NKAIN2: variants seen among roughly 807,000 people sequenced by gnomAD.
NKAIN2 encodes sodium/potassium-transporting ATPase subunit beta-1-interacting protein 2.
Under a neutral mutation model 32.6 loss-of-function variants are expected in NKAIN2, and 14 were observed. That is an observed-to-expected ratio of 0.43 (90% CI 0.28 to 0.67). The LOEUF (loss-of-function observed/expected upper bound fraction) is 0.67. NKAIN2 is among the 30% of genes least tolerant of loss of function. The pLI, the probability that NKAIN2 is intolerant of heterozygous loss-of-function variation, is 0.17. For synonymous variants in NKAIN2, 80 were observed against 87.2 expected (o/e 0.92, Z 0.46); for missense variants, 198 against 258.3 (o/e 0.77, Z 1.60).
chr6:123,918,357 ACT>A (rs1321316730), intron 1 of NKAIN2, among the ~76,000 whole-genome samples: 1 of 152,164 alleles, frequency 6.6e-6, no homozygotes, highest in Non-Finnish European at 1.5e-5. Context: ...TTGAGGAAAT[ACT>A]CTCTTAGTAT....
chr6:124,336,674 T>G (rs1395896770), intron 2 of NKAIN2, among the ~76,000 whole-genome samples: 3 of 148,498 alleles, frequency 2.0e-5, no homozygotes, highest in Non-Finnish European at 3.0e-5. Flanking sequence ...GTTTGTTTTT[T>G]TTTGTTTGTT....
At chr6:124,149,382 C>G (rs932047728) in intron 1 of NKAIN2, among the ~76,000 whole-genome samples, 4 of 152,068 alleles carry the variant, frequency 2.6e-5, no homozygotes, top group African/African-American at 9.7e-5. Flanking sequence ...AAGATTTGCT[C>G]CCATGCATTT....
At chr6:124,013,059 A>G (rs1780409767) in intron 1 of NKAIN2, among the ~76,000 whole-genome samples, 1 of 152,090 alleles carries the variant, frequency 6.6e-6, no homozygotes, top group Non-Finnish European at 1.5e-5. Context: ...ATTGTAGTTT[A>G]ATTTCCATTT....
At chr6:124,741,308 T>TCCCAA in intron 4 of NKAIN2, among the ~76,000 whole-genome samples, 1 of 151,834 alleles carries the variant, frequency 6.6e-6, no homozygotes, top group East Asian at 1.9e-4. Flanking sequence ...AATATTTAGA[T>TCCCAA]ATTACTAAGA....
intron 3 of NKAIN2, among the ~76,000 whole-genome samples, chr6:124,551,918 C>T (rs2114868941): frequency 1.3e-5 from 2 of 152,242 alleles, no homozygotes; most frequent in East Asian, 3.9e-4. Context: ...TCTAAAATTA[C>T]TTTGACCATT....
chr6:124,660,609 T>C (rs889143571), intron 4 of NKAIN2, among the ~76,000 whole-genome samples: 7 of 152,198 alleles, frequency 4.6e-5, no homozygotes, highest in Non-Finnish European at 8.8e-5. Context: ...AGTGAAGGAA[T>C]AGTTTGAGTA....
chr6:124,568,379 A>G (rs1780999658), intron 3 of NKAIN2, among the ~76,000 whole-genome samples: 1 of 152,220 alleles, frequency 6.6e-6, no homozygotes, highest in Non-Finnish European at 1.5e-5. Flanking sequence ...CAGGCGTGAT[A>G]TAGAGAACAT....
intron 3 of NKAIN2, among the ~76,000 whole-genome samples, chr6:124,407,015 G>A (rs1773891239): frequency 6.6e-6 from 1 of 151,938 alleles, no homozygotes; most frequent in African/African-American, 2.4e-5. Context: ...GCCCCCATTG[G>A]TGGCTTAACA....
At position 123,968,162 on chromosome 6, in the gene NKAIN2, A is replaced by G. The variant is rs369046371; in HGVS notation, c.54+163908A>G. ...ACTTTTTGCTTTCAAATGTGTTCTC[A>G]GTATAATCACTGTGAGGCAGGGGGA... On this transcript the variant is annotated intron_variant, in intron 1 of 6. Transcript: ENST00000368417. Among the ~76,000 whole-genome samples the G allele has an allele frequency of 1.2e-4, 18 of 152,300 alleles. 1 individual carries two copies. In the South Asian group the frequency reaches 2.7e-3, roughly 23 times the overall value.
intron 1 of NKAIN2, among the ~76,000 whole-genome samples, chr6:124,048,687 C>A (rs1294180854): frequency 2.0e-5 from 3 of 151,952 alleles, no homozygotes; most frequent in African/African-American, 7.2e-5. Flanking sequence ...GGGGATATTT[C>A]TGTGATGTTT....
intron 1 of NKAIN2, among the ~76,000 whole-genome samples, chr6:124,208,458 A>G (rs956435048): frequency 2.6e-5 from 4 of 151,956 alleles, no homozygotes; most frequent in Non-Finnish European, 5.9e-5. Context: ...AATAAAATAT[A>G]TGTTTCTAAC....
At chr6:123,953,909 A>G (rs977845393) in intron 1 of NKAIN2, among the ~76,000 whole-genome samples, 2 of 152,136 alleles carry the variant, frequency 1.3e-5, no homozygotes, top group Non-Finnish European at 2.9e-5. Context: ...GGGAGTGTGC[A>G]CTTTGCTTGT....
intron 3 of NKAIN2, among the ~76,000 whole-genome samples, chr6:124,476,224 T>C (rs1351454695): frequency 2.6e-5 from 4 of 152,244 alleles, no homozygotes; most frequent in African/African-American, 9.6e-5. Context: ...AAACTGTCTT[T>C]GGTGTTTACA....
At chr6:124,408,917 C>T (rs1774006635) in intron 3 of NKAIN2, among the ~76,000 whole-genome samples, 1 of 152,130 alleles carries the variant, frequency 6.6e-6, no homozygotes, top group African/African-American at 2.4e-5. Context: ...TTTCACATCC[C>T]TTGTAAGTTG....
At chr6:124,080,265 C>T (rs747796483) in intron 1 of NKAIN2, among the ~76,000 whole-genome samples, 22 of 152,058 alleles carry the variant, frequency 1.4e-4, no homozygotes, top group South Asian at 1.0e-3. Context: ...GAGGTATTTG[C>T]TCAGTTATTC....
intron 1 of NKAIN2, among the ~76,000 whole-genome samples, chr6:123,962,638 A>T (rs140870281): frequency 1.3e-5 from 2 of 152,150 alleles, no homozygotes; most frequent in South Asian, 4.2e-4. Flanking sequence ...ATTGCACTTT[A>T]GTCATGAGTA....
intron 3 of NKAIN2, among the ~76,000 whole-genome samples, chr6:124,447,121 T>C (rs1775924617): frequency 6.6e-6 from 1 of 152,148 alleles, no homozygotes; most frequent in African/African-American, 2.4e-5. Context: ...CTCTCTACAA[T>C]GCCCTTCCTC....
At chr6:124,740,022 AC>A (rs1350949869) in intron 4 of NKAIN2, among the ~76,000 whole-genome samples, 1 of 151,780 alleles carries the variant, frequency 6.6e-6, no homozygotes, top group Admixed American at 6.6e-5. Flanking sequence ...CTGGAGAGAC[AC>A]TTGTTTAATG....
chr6:124,105,962 G>A (rs1785100822), intron 1 of NKAIN2, among the ~76,000 whole-genome samples: 1 of 152,052 alleles, frequency 6.6e-6, no homozygotes, highest in Non-Finnish European at 1.5e-5. Context: ...TTATACATGG[G>A]AAAATTAAGG....
Sources: allele counts gnomAD v4.1 joint callset (sites outside exome capture counted in the v4.1 genomes callset), GRCh38; gene constraint gnomAD v4.1.1; transcripts MANE v1.5; gene names NCBI Gene and HGNC (gene_info 2026-07-23, HGNC 2026-07-21).